MTUS1: variants seen among roughly 807,000 people sequenced by gnomAD.
The protein encoded by MTUS1 is microtubule associated scaffold protein 1.
A neutral mutation model predicts 120.8 loss-of-function variants in MTUS1; 109 were observed. The ratio of observed to expected loss-of-function variants is 0.90; its 90% CI spans 0.77 to 1.06. MTUS1 has a LOEUF of 1.06. Among genes scored for constraint, MTUS1 ranks in the 50% least tolerant of loss-of-function variants. MTUS1 has a pLI of 0.00. For missense variants in MTUS1, 2,210 were observed against 1,486.3 expected, an observed-to-expected ratio of 1.49 and a Z score of -8.01; for synonymous variants, 737 against 550.5, an observed-to-expected ratio of 1.34 and a Z score of -4.74.
In MTUS1 at chr8:17,723,723, T is replaced by G. The variant is rs538985504; in HGVS notation, c.2398A>C (p.Thr800Pro). The part of the protein sequence containing the change: ...KSPALRRTGS[T>P]PSIASTHSEL... Reference sequence around the variant, plus strand: ...CTGTGGGTGCTGGCTATTGAGGGGGTGCTTCCTGTCCTCCGCAGCGCAGGA... The same window carrying G: ...CTGTGGGTGCTGGCTATTGAGGGGGGGCTTCCTGTCCTCCGCAGCGCAGGA... The change falls in exon 4 of 15, where the codon ACC becomes CCC. Residue 800 changes from threonine to proline, a missense_variant. Thr to Pro is a conservative substitution (Grantham distance 38, BLOSUM62 -1). Transcript: ENST00000693296. 95 of 1,610,902 alleles carry G rather than the reference T, an allele frequency of 5.9e-5. 1 individual carries two copies. In the African/African-American group the frequency reaches 9.3e-4, roughly 16 times the overall value.
intron 1 of MTUS1, among the ~76,000 whole-genome samples, chr8:17,793,654 A>C (rs747218709): frequency 6.6e-6 from 1 of 152,186 alleles, no homozygotes; most frequent in Non-Finnish European, 1.5e-5. Context: ...AGGTAACTAA[A>C]GATTCTCATT....
At chr8:17,756,993 C>T (rs1410165970) in intron 1 of MTUS1, among the ~76,000 whole-genome samples, 2 of 151,986 alleles carry the variant, frequency 1.3e-5, no homozygotes, top group Non-Finnish European at 1.5e-5. Flanking sequence ...TTATGGTGGC[C>T]GAAGAAGACT....
At chr8:17,758,682 A>G (rs17690879) in intron 1 of MTUS1, among the ~76,000 whole-genome samples, 20,629 of 152,256 alleles carry the variant, frequency 0.14, 1,496 homozygotes, top group Admixed American at 0.19. Flanking sequence ...TACTCAGTTA[A>G]CAGACTGTGG....
intron 6 of MTUS1, among the ~76,000 whole-genome samples, chr8:17,701,613 T>C (rs1433736971): frequency 1.3e-5 from 2 of 152,184 alleles, no homozygotes; most frequent in South Asian, 2.1e-4. Context: ...AGTGGCGTGA[T>C]CTCGGCTCAC....
At position 17,755,934 on chromosome 8, in the gene MTUS1, C is replaced by A; in HGVS notation, c.-127G>T. Reference sequence around the variant, plus strand: ...GTTGAAAGGTTTTCAGTCTAAGATGCTCTGAAGATTAAATGATTTGTTGTT... The same window carrying A: ...GTTGAAAGGTTTTCAGTCTAAGATGATCTGAAGATTAAATGATTTGTTGTT... On this transcript the variant is annotated 5_prime_UTR_variant, in exon 2 of 15. Coordinates refer to ENST00000693296, the MANE Select transcript of MTUS1 (RefSeq NM_001363059.2). 1 of 1,438,752 alleles carries A rather than the reference C, an allele frequency of 7.0e-7. No individual in the cohort carries two copies. Among genetic ancestry groups the A allele is most frequent in the African/African-American group, 1.4e-5 (1 of 70,320 alleles). The allele number at this position is 1,438,752 out of a possible 1,614,324, so 89.1% of individuals were successfully genotyped here.
chr8:17,675,891 GT>G (rs371830564), intron 7 of MTUS1: 3 of 172,388 alleles, frequency 1.7e-5, no homozygotes, highest in African/African-American at 4.7e-5. Flanking sequence ...CCGGATGGCT[GT>G]TTTTAGTATC....
At position 17,759,625 on chromosome 8, in the gene MTUS1, T is replaced by C. The variant is rs545307841; in HGVS notation, c.-154-3664A>G. 3.5e-3 allele frequency among the ~76,000 whole-genome samples: 503 copies of C among 142,174 alleles called. 4 individuals are homozygous for C. The highest frequency in any genetic ancestry group is 0.012 in the African/African-American group (476 of 40,142). 93.3% of individuals were successfully genotyped at this position (142,174 alleles called of 152,430 possible). On this transcript the variant is annotated intron_variant, in intron 1 of 14. Coordinates refer to ENST00000693296, the MANE Select transcript of MTUS1 (RefSeq NM_001363059.2). ...TATATATATATAAAAGTTCTCTTTCTTTTTATATATTTATATATAAAAATA... is the reference window on the plus strand; with the variant it reads ...TATATATATATAAAAGTTCTCTTTCCTTTTATATATTTATATATAAAAATA...
intron 8 of MTUS1, among the ~76,000 whole-genome samples, chr8:17,656,725 G>C (rs191804143): frequency 1.3e-4 from 20 of 152,092 alleles, no homozygotes; most frequent in African/African-American, 4.6e-4. Context: ...CCCTCTCCCA[G>C]CCAGCCAGTG....
intron 5 of MTUS1, among the ~76,000 whole-genome samples, chr8:17,715,433 A>G (rs1279730157): frequency 1.3e-5 from 2 of 152,164 alleles, no homozygotes; most frequent in Non-Finnish European, 2.9e-5. Context: ...AACATAAAAC[A>G]TCTACCCTGA....
chr8:17,699,978 G>C (rs1818717799), intron 6 of MTUS1, among the ~76,000 whole-genome samples: 1 of 152,082 alleles, frequency 6.6e-6, no homozygotes, highest in Non-Finnish European at 1.5e-5. Context: ...TTGATCATCT[G>C]TTACCAGTTA....
intron 6 of MTUS1, among the ~76,000 whole-genome samples, chr8:17,692,513 A>G (rs1291765849): frequency 6.6e-6 from 1 of 152,200 alleles, no homozygotes; most frequent in East Asian, 1.9e-4. Context: ...ATCTAAAAAG[A>G]GTCAAAAGTG....
chr8:17,655,286 T>TAAA (rs35229905), intron 9 of MTUS1, among the ~76,000 whole-genome samples: 1 of 137,072 alleles, frequency 7.3e-6, no homozygotes, highest in Non-Finnish European at 1.5e-5. Context: ...CAGATGCCAC[T>TAAA]AAAAAAAAAA....
intron 7 of MTUS1, among the ~76,000 whole-genome samples, chr8:17,680,803 C>A (rs556692117): frequency 6.6e-6 from 1 of 152,268 alleles, no homozygotes; most frequent in Admixed American, 6.5e-5. Flanking sequence ...GCTCACGCCA[C>A]AAGAGGTGTT....
chr8:17,742,074 T>TAC (rs2047356600), intron 3 of MTUS1, among the ~76,000 whole-genome samples: 1 of 152,156 alleles, frequency 6.6e-6, no homozygotes, highest in Admixed American at 6.5e-5. Context: ...ATTGGACAAC[T>TAC]ACAGTAAGGA....
chr8:17,729,813 C>A (rs894548898), intron 3 of MTUS1, among the ~76,000 whole-genome samples: 1 of 151,380 alleles, frequency 6.6e-6, no homozygotes, highest in East Asian at 1.9e-4. Context: ...AACGAAAATA[C>A]CAAAAAACCC....
intron 1 of MTUS1, among the ~76,000 whole-genome samples, chr8:17,766,310 G>C (rs553396768): frequency 1.3e-5 from 2 of 152,278 alleles, no homozygotes; most frequent in African/African-American, 4.8e-5. Context: ...CAGTACACAA[G>C]TAATCATCAT....
rs138741631 is a variant in MTUS1, at chr8:17,793,170, G to C, written c.-155+7891C>G. Among the ~76,000 whole-genome samples, 11 of 152,324 alleles carry C rather than the reference G, an allele frequency of 7.2e-5. No individual in the cohort carries two copies. The East Asian group carries it at 1.9e-3, about 27-fold the overall frequency. On this transcript the variant is annotated intron_variant, in intron 1 of 14. Coordinates refer to ENST00000693296, the MANE Select transcript of MTUS1 (RefSeq NM_001363059.2). ...GAATAGGGAATGTCATAAATCATGA[G>C]TGGAATCAATTACGTACATGTATTT...
At chr8:17,669,708 G>T (rs575211465) in intron 8 of MTUS1, among the ~76,000 whole-genome samples, 1 of 152,168 alleles carries the variant, frequency 6.6e-6, no homozygotes, top group South Asian at 2.1e-4. Flanking sequence ...AGCCGGCCGT[G>T]GTGGTGCGCA....
At chr8:17,688,331 G>A (rs1320025246) in intron 6 of MTUS1, among the ~76,000 whole-genome samples, 1 of 152,234 alleles carries the variant, frequency 6.6e-6, no homozygotes, top group Non-Finnish European at 1.5e-5. Context: ...ATTGCTCAGA[G>A]AGGCACAAAG....
Sources: allele counts gnomAD v4.1 joint callset (sites outside exome capture counted in the v4.1 genomes callset), GRCh38; gene constraint gnomAD v4.1.1; transcripts MANE v1.5; gene names NCBI Gene and HGNC (gene_info 2026-07-23, HGNC 2026-07-21).